Variants in GPC5 observed in about 807,000 individuals in gnomAD.
GPC5 encodes glypican-5.
A neutral mutation model predicts 53.9 loss-of-function variants in GPC5; 47 were observed. The ratio of observed to expected loss-of-function variants is 0.87; its 90% confidence interval spans 0.69 to 1.11. The LOEUF is 1.11. GPC5 is among the 50% of genes most tolerant of loss of function. The probability of loss-of-function intolerance (pLI) is 0.00; values close to 1 mark genes in which losing one functional copy is unlikely to be tolerated. For synonymous variants in GPC5, 286 were observed against 263.3 expected (o/e 1.09, Z -0.84); for missense variants, 748 against 713.1 (o/e 1.05, Z -0.56).
At chr13:91,419,873 A>T (rs1291151789) in intron 1 of GPC5, among the ~76,000 whole-genome samples, 1 of 152,206 alleles carries the variant, frequency 6.6e-6, no homozygotes, top group African/African-American at 2.4e-5. Context: ...ATGGTAAATA[A>T]ACCTGGAATT....
At chr13:92,367,553 G>T (rs1294791893) in intron 7 of GPC5, among the ~76,000 whole-genome samples, 2 of 152,090 alleles carry the variant, frequency 1.3e-5, no homozygotes, top group African/African-American at 4.8e-5. Context: ...GAGATATTTT[G>T]TACCCAATAT....
At chr13:92,684,555 C>A (rs1455299849) in intron 7 of GPC5, among the ~76,000 whole-genome samples, 1 of 152,180 alleles carries the variant, frequency 6.6e-6, no homozygotes, top group Non-Finnish European at 1.5e-5. Flanking sequence ...AGGCATGAGC[C>A]ACCACACCCA....
At chr13:92,146,913 G>T (rs1181001822) in intron 7 of GPC5, among the ~76,000 whole-genome samples, 2 of 151,916 alleles carry the variant, frequency 1.3e-5, no homozygotes, top group Non-Finnish European at 2.9e-5. Flanking sequence ...CTCATTGATT[G>T]ATGGGCATTT....
At chr13:91,621,950 G>T (rs1261345124) in intron 2 of GPC5, among the ~76,000 whole-genome samples, 1 of 151,826 alleles carries the variant, frequency 6.6e-6, no homozygotes, top group Non-Finnish European at 1.5e-5. Flanking sequence ...AGGCCTGAGA[G>T]CCCCCTCGAA....
chr13:92,736,681 C>T (rs1313438858), intron 7 of GPC5, among the ~76,000 whole-genome samples: 1 of 151,816 alleles, frequency 6.6e-6, no homozygotes, highest in Non-Finnish European at 1.5e-5. Flanking sequence ...TATCTGTTTA[C>T]CACAATCTTT....
At chr13:92,291,255 A>C (rs566182684) in intron 7 of GPC5, among the ~76,000 whole-genome samples, 2 of 152,122 alleles carry the variant, frequency 1.3e-5, no homozygotes, top group South Asian at 4.1e-4. Flanking sequence ...ACTGACAGGC[A>C]GCTCCACCTG....
chr13:91,658,173 A>T (rs566212284), intron 2 of GPC5, among the ~76,000 whole-genome samples: 1 of 152,294 alleles, frequency 6.6e-6, no homozygotes, highest in Admixed American at 6.5e-5. Context: ...ATCTGAAAGC[A>T]AAACTTGATT....
chr13:92,699,527 C>A (rs1429824167), intron 7 of GPC5, among the ~76,000 whole-genome samples: 1 of 151,980 alleles, frequency 6.6e-6, no homozygotes, highest in Non-Finnish European at 1.5e-5. Context: ...GTTAGGGTGG[C>A]GATTTTAGAT....
intron 1 of GPC5, among the ~76,000 whole-genome samples, chr13:91,428,026 G>A (rs1163357717): frequency 1.3e-5 from 2 of 152,156 alleles, no homozygotes; most frequent in South Asian, 2.1e-4. Flanking sequence ...GGAAATGTGA[G>A]TCAATTAAAC....
intron 7 of GPC5, among the ~76,000 whole-genome samples, chr13:92,516,978 T>A (rs1324453697): frequency 6.6e-6 from 1 of 151,706 alleles, no homozygotes; most frequent in Non-Finnish European, 1.5e-5. Context: ...TCACTCCCAC[T>A]CTAATACTGC....
At chr13:91,778,191 A>C (rs74106524) in intron 5 of GPC5, among the ~76,000 whole-genome samples, 2,505 of 152,306 alleles carry the variant, frequency 0.016, 60 homozygotes, top group African/African-American at 0.057. Context: ...TAGGTGGCCA[A>C]ATTTAGACTT....
At chr13:91,625,050 A>T (rs1444611787) in intron 2 of GPC5, among the ~76,000 whole-genome samples, 2 of 152,010 alleles carry the variant, frequency 1.3e-5, no homozygotes, top group African/African-American at 4.8e-5. Context: ...AAAGGATTAA[A>T]AAAGTAAAAC....
rs140743636 is a variant in GPC5 at position 91,844,992 on chromosome 13, C to T, written c.1281-62945C>T. On this transcript the variant is annotated intron_variant, in intron 5 of 7. Coordinates refer to ENST00000377067, the MANE Select transcript of GPC5 (RefSeq NM_004466.6). ...TTAATATTGAAGAGTTGTAATAAAA[C>T]ATTTCTGGGGAGAAGATCTGAAAAA... 2.0e-5 allele frequency among the ~76,000 whole-genome samples: 3 copies of T among 152,240 alleles called. No individual in the cohort carries two copies. The East Asian group carries it at 5.8e-4, about 29-fold the overall frequency.
chr13:91,832,877 A>G (rs1200956717), intron 5 of GPC5, among the ~76,000 whole-genome samples: 1 of 152,172 alleles, frequency 6.6e-6, no homozygotes, highest in Non-Finnish European at 1.5e-5. Flanking sequence ...GCAGGAGGCA[A>G]GAAATAAATA....
chr13:91,641,065 C>G (rs187355974), intron 2 of GPC5, among the ~76,000 whole-genome samples: 1 of 152,248 alleles, frequency 6.6e-6, no homozygotes, highest in African/African-American at 2.4e-5. Flanking sequence ...CAGTGGCTCA[C>G]GCCTGTAATC....
chr13:92,859,602 T>A (rs1013896517), intron 7 of GPC5, among the ~76,000 whole-genome samples: 4 of 152,102 alleles, frequency 2.6e-5, no homozygotes, highest in Admixed American at 2.6e-4. Context: ...CCAAATTACC[T>A]GTAAATTCTT....
At chr13:92,595,462 C>A (rs749173446) in intron 7 of GPC5, among the ~76,000 whole-genome samples, 1 of 152,146 alleles carries the variant, frequency 6.6e-6, no homozygotes, top group East Asian at 1.9e-4. Context: ...TAGACCTTCT[C>A]TGGAAGTCAA....
rs1178736249 is a variant in GPC5, at chr13:92,315,403, C to T, written c.1561+170414C>T. Among the ~76,000 whole-genome samples the T allele has an allele frequency of 2.6e-5, 4 of 152,276 alleles. No individual in the cohort carries two copies. In the East Asian group the frequency reaches 7.8e-4, roughly 30 times the overall value. On this transcript the variant is annotated intron_variant, in intron 7 of 7. Coordinates refer to ENST00000377067, the MANE Select transcript of GPC5 (RefSeq NM_004466.6). ...TTCAATTTTAGCTACTTTAGAAACT[C>T]TACCCAGTCTCCCTGTTCACTCTAG...
chr13:92,526,894 C>T (rs1334657682), intron 7 of GPC5, among the ~76,000 whole-genome samples: 2 of 151,128 alleles, frequency 1.3e-5, no homozygotes, highest in East Asian at 3.9e-4. Context: ...TAACTGGGTA[C>T]ATATTAATAA....
Sources: gnomAD v4.1 joint callset for allele counts (sites outside exome capture counted in the v4.1 genomes callset) on GRCh38, gnomAD v4.1.1 for gene constraint, MANE v1.5 for transcripts, NCBI Gene and HGNC (gene_info 2026-07-23, HGNC 2026-07-21) for gene names.